The following BIRC6 variants were observed in gnomAD, a reference collection of about 807,000 sequenced individuals.
BIRC6 encodes dual E2 ubiquitin-conjugating enzyme/E3 ubiquitin-protein ligase BIRC6.
Under a neutral mutation model 503.3 loss-of-function variants are expected in BIRC6, and 98 were observed. The ratio of observed to expected loss-of-function variants is 0.19; its 90% CI spans 0.17 to 0.23. The LOEUF is 0.23. BIRC6 is among the 10% of genes least tolerant of loss of function. The probability of loss-of-function intolerance (pLI) is 1.00; values close to 1 mark genes in which losing one functional copy is unlikely to be tolerated. For synonymous variants in BIRC6, 2,240 were observed against 2,078.7 expected (o/e 1.08, Z -2.11); for missense variants, 5,360 against 5,806.0 (o/e 0.92, Z 2.50).
At chr2:32,510,967 CTT>C (rs1372731619) in intron 53 of BIRC6, among the ~76,000 whole-genome samples, 11 of 152,088 alleles carry the variant, frequency 7.2e-5, no homozygotes, top group African/African-American at 2.4e-4. Context: ...GTCATACTGT[CTT>C]AGGTAGTACT....
intron 8 of BIRC6, 24 bp from the exon 9 acceptor site, chr2:32,406,475 G>T: frequency 6.4e-7 from 1 of 1,568,578 alleles, no homozygotes. Flanking sequence ...AATTCAAATT[G>T]TTTACTTTGT....
At chr2:32,561,123 G>A (rs917243714) in intron 65 of BIRC6, among the ~76,000 whole-genome samples, 3 of 151,598 alleles carry the variant, frequency 2.0e-5, no homozygotes, top group African/African-American at 4.8e-5. Flanking sequence ...ACTTGTACCC[G>A]GGAGACAGAG....
chr2:32,422,659 T>G (rs971838639), intron 10 of BIRC6, among the ~76,000 whole-genome samples: 2 of 152,208 alleles, frequency 1.3e-5, no homozygotes, highest in Non-Finnish European at 2.9e-5. Flanking sequence ...TTCAACATAT[T>G]TTATTGATTT....
intron 61 of BIRC6, among the ~76,000 whole-genome samples, chr2:32,535,523 C>G (rs1362732734): frequency 6.6e-6 from 1 of 152,136 alleles, no homozygotes; most frequent in African/African-American, 2.4e-5. Flanking sequence ...TCTCATTGTT[C>G]AATTCCCACC....
In BIRC6 at chr2:32,467,979, A is replaced by G. The variant is rs747487159; in HGVS notation, c.5648A>G (p.Tyr1883Cys). 3.7e-6 allele frequency: 6 copies of G among 1,613,618 alleles called. No individual in the cohort carries two copies. The Admixed American group carries it at 1.0e-4, about 27-fold the overall frequency. Residue 1883 changes from tyrosine (Y) to cysteine (C), a missense_variant, in exon 28 of 74, where the codon TAC becomes TGC. Around this residue, in one of 16 missense-constraint regions of BIRC6, gnomAD observed 2,299 missense variants for 2,267.2 expected, o/e 1.01. Coordinates refer to ENST00000421745, the MANE Select transcript of BIRC6 (RefSeq NM_016252.4). The part of the protein sequence containing the change: ...IPLGFYYGHT[Y>C]ILPWESELKL... ...TTAGGATTTTACTATGGTCATACCT[A>G]CATCTTGCCTTGGGAAAGTGAACTG...
chr2:32,432,306 C>T (rs755297589), intron 12 of BIRC6, among the ~76,000 whole-genome samples: 8 of 152,152 alleles, frequency 5.3e-5, no homozygotes, highest in Non-Finnish European at 7.3e-5. Flanking sequence ...ATCCCAGCTA[C>T]TCAGGAGGCT....
chr2:32,476,448 G>GTAGGTTGGCTTCTCTGTT, intron 34 of BIRC6, 104 bp downstream of exon 34: 2 of 1,255,388 alleles, frequency 1.6e-6, no homozygotes, highest in Non-Finnish European at 2.1e-6. Context: ...GCTTAACAGA[G>GTAGGTTGGCTTCTCTGTT]AAGCCAACCT....
chr2:32,518,829 A>C lies in BIRC6; in HGVS notation c.11506A>C (p.Arg3836=). Residue 3836 remains arginine, a synonymous_variant, in exon 57 of 74, where the codon AGA becomes CGA. Transcript: ENST00000421745. ...TCTTGATTTTCAGCTGTACAAAGGT[A>C]GAATTAATGCTACTAGCCACGTCAT... ...LQSPCPLYKG[R]INATSHVIQH... The C allele has an allele frequency of 6.2e-7, 1 of 1,613,384 alleles. No individual in the cohort carries two copies. The highest frequency in any genetic ancestry group is 8.5e-7 in the Non-Finnish European group (1 of 1,179,398).
At chr2:32,384,801 G>A (rs1440775608) in intron 3 of BIRC6, among the ~76,000 whole-genome samples, 1 of 152,192 alleles carries the variant, frequency 6.6e-6, no homozygotes, top group Non-Finnish European at 1.5e-5. Context: ...AAGCACTGGA[G>A]TGCCCGTGGA....
chr2:32,368,089 A>G (rs1167864810), intron 1 of BIRC6, among the ~76,000 whole-genome samples: 1 of 152,232 alleles, frequency 6.6e-6, no homozygotes, highest in Non-Finnish European at 1.5e-5. Context: ...ACCTTTGTTC[A>G]TTTAGAATCA....
At chr2:32,492,360 A>C (rs1263285028) in intron 44 of BIRC6, among the ~76,000 whole-genome samples, 1 of 152,046 alleles carries the variant, frequency 6.6e-6, no homozygotes, top group Non-Finnish European at 1.5e-5. Context: ...TCTAATACTT[A>C]ATATATTTTA....
intron 65 of BIRC6, among the ~76,000 whole-genome samples, chr2:32,552,854 CTAATTATA>C (rs981064541): frequency 2.5e-4 from 38 of 150,288 alleles, no homozygotes; most frequent in Non-Finnish European, 4.4e-5. Context: ...AAACTGATAA[CTAATTATA>C]TATTTATATA....
Position 32,488,517 on chromosome 2 carries a change from AT to A in BIRC6, c.7969-66del, listed in dbSNP as rs1478802873. On this transcript the variant is annotated intron_variant, in intron 41 of 73. Transcript: ENST00000421745. ...CTCGTGACAAGAATTTAAACATAAG[AT>A]TTTTGTTTAAATTGTATTTCATATT... 3 of 1,278,446 alleles carry A rather than the reference AT, an allele frequency of 2.3e-6. No individual in the cohort carries two copies. In the African/African-American group the frequency reaches 4.7e-5, roughly 20 times the overall value. 79.2% of individuals were successfully genotyped at this position (1,278,446 alleles called of 1,614,324 possible). A position where few individuals can be genotyped will look rare whatever the true frequency, so the allele number is the denominator to read the frequency against.
intron 3 of BIRC6, among the ~76,000 whole-genome samples, chr2:32,380,603 T>A (rs2037480875): frequency 6.6e-6 from 1 of 152,038 alleles, no homozygotes; most frequent in Non-Finnish European, 1.5e-5. Flanking sequence ...GGCAGGCGCC[T>A]GTAATCCCAG....
At chr2:32,370,862 G>A (rs959109423) in intron 1 of BIRC6, among the ~76,000 whole-genome samples, 3 of 152,136 alleles carry the variant, frequency 2.0e-5, no homozygotes, top group Non-Finnish European at 4.4e-5. Flanking sequence ...TGAGATGTCA[G>A]TGGAAATGGA....
At position 32,501,044 on chromosome 2, in the gene BIRC6, A is replaced by C. The variant is rs1572649686; in HGVS notation, c.9032-669A>C. Among the ~76,000 whole-genome samples, 7 of 152,224 alleles carry C rather than the reference A, an allele frequency of 4.6e-5. 2 individuals carry two copies. Among genetic ancestry groups the C allele is most frequent in the Admixed American group, 4.6e-4 (7 of 15,272 alleles). On this transcript the variant is annotated intron_variant, in intron 46 of 73. Transcript: ENST00000421745. ...AAATAAAATGTAAAATTTTACTCAT[A>C]CTGTAACATTTTCTATGACACAAAC...
In BIRC6 at chr2:32,416,077, C is replaced by T; in HGVS notation, c.2786C>T (p.Pro929Leu). The T allele has an allele frequency of 6.2e-7, 1 of 1,613,670 alleles. No individual in the cohort carries two copies. The highest frequency in any genetic ancestry group is 8.5e-7 in the Non-Finnish European group (1 of 1,179,830). ...NFEILAKVEP[P>L]KKEGTEEQDT... ...GAAATTTTGGCCAAAGTGGAGCCTC[C>T]CAAAAAGGAGGGCACTGAGGAACAG... Residue 929 changes from proline (P) to leucine (L), a missense_variant, in exon 10 of 74, where the codon CCC becomes CTC. Transcript: ENST00000421745.
At chr2:32,495,152 C>G (rs1356789898) in intron 45 of BIRC6, among the ~76,000 whole-genome samples, 1 of 152,196 alleles carries the variant, frequency 6.6e-6, no homozygotes, top group African/African-American at 2.4e-5. Context: ...ACAGAGTTCA[C>G]AACAGTGAAG....
At chr2:32,518,460 C>A in intron 56 of BIRC6, 63 bp downstream of exon 56, 3 of 1,482,680 alleles carry the variant, frequency 2.0e-6, no homozygotes, top group Non-Finnish European at 1.8e-6. Context: ...TGTATCAGAG[C>A]CTGCAGTTAC....
Sources: allele counts gnomAD v4.1 joint callset (sites outside exome capture counted in the v4.1 genomes callset), GRCh38; gene constraint gnomAD v4.1.1; regional missense constraint gnomAD v4.1.1; transcripts MANE v1.5; gene names NCBI Gene and HGNC (gene_info 2026-07-23, HGNC 2026-07-21).